The following AVEN variants were observed in gnomAD, a reference collection of about 807,000 sequenced individuals.
The protein encoded by AVEN is cell death regulator Aven.
In AVEN, 41 loss-of-function variants were observed where a neutral mutation model predicts 38.1. That is an observed-to-expected ratio of 1.08 (90% CI 0.84 to 1.40). The LOEUF is 1.40. AVEN is among the 40% of genes most tolerant of loss of function. AVEN has a pLI of 0.00. For missense variants in AVEN, 605 were observed against 438.8 expected, an observed-to-expected ratio of 1.38 and a Z score of -3.38; for synonymous variants, 206 against 171.8, an observed-to-expected ratio of 1.20 and a Z score of -1.56.
intron 2 of AVEN, among the ~76,000 whole-genome samples, chr15:33,887,683 A>G (rs1567396953): frequency 6.6e-6 from 1 of 152,188 alleles, no homozygotes; most frequent in East Asian, 1.9e-4. Context: ...AACAGAAAAA[A>G]AGAAACTTAA....
intron 2 of AVEN, among the ~76,000 whole-genome samples, chr15:33,959,495 T>C (rs1394457581): frequency 6.6e-6 from 1 of 152,102 alleles, no homozygotes; most frequent in African/African-American, 2.4e-5. Flanking sequence ...ACTTCAGTCA[T>C]AGCCATAGCC....
chr15:34,043,944 T>C (rs1368203172), upstream of AVEN, among the ~76,000 whole-genome samples: 1 of 152,152 alleles, frequency 6.6e-6, no homozygotes, highest in Non-Finnish European at 1.5e-5. Context: ...CCAAGGCCTC[T>C]ATTACTGCAC....
At chr15:34,073,516 T>TC in intron 1 of AVEN, among the ~76,000 whole-genome samples, 1 of 106,574 alleles carries the variant, frequency 9.4e-6, no homozygotes, top group South Asian at 3.3e-4. Flanking sequence ...TCTTTTCTTT[T>TC]TTCTTTTTTT....
intron 2 of AVEN, among the ~76,000 whole-genome samples, chr15:33,883,961 C>T (rs578192277): frequency 6.6e-6 from 1 of 152,280 alleles, no homozygotes; most frequent in African/African-American, 2.4e-5. Flanking sequence ...CTAACCAAGA[C>T]CACACAGCCA....
intron 2 of AVEN, among the ~76,000 whole-genome samples, chr15:33,924,336 C>T (rs1333851968): frequency 5.3e-5 from 8 of 150,284 alleles, no homozygotes; most frequent in Admixed American, 4.7e-4. Context: ...TGCCACTGCA[C>T]TCCAGCCTAG....
chr15:33,984,472 G>A (rs1046924352), intron 2 of AVEN, among the ~76,000 whole-genome samples: 9 of 151,544 alleles, frequency 5.9e-5, no homozygotes, highest in South Asian at 4.2e-4. Flanking sequence ...GCATGATCTC[G>A]GCTCACTGCA....
intron 2 of AVEN, among the ~76,000 whole-genome samples, chr15:33,987,979 G>A (rs1328688019): frequency 6.6e-6 from 1 of 152,154 alleles, no homozygotes; most frequent in Non-Finnish European, 1.5e-5. Flanking sequence ...GCATCAAGAA[G>A]GAAAACCACC....
intron 2 of AVEN, among the ~76,000 whole-genome samples, chr15:33,904,694 A>AAAATATATATAT (rs1464894437): frequency 1.8e-5 from 2 of 112,746 alleles, no homozygotes; most frequent in African/African-American, 5.8e-5. Flanking sequence ...AAAAAAAAAA[A>AAAATATATATAT]ATATATATAT....
Position 33,964,246 on chromosome 15 carries a change from T to C in AVEN, c.445+38786A>G, listed in dbSNP as rs117964821. ...ATCTGTTCCACTTACTAGGGTATGGTTGTAAAATCAGAGCTTTCTAAAGTG... is the reference window on the plus strand; with the variant it reads ...ATCTGTTCCACTTACTAGGGTATGGCTGTAAAATCAGAGCTTTCTAAAGTG... On this transcript the variant is annotated intron_variant, in intron 2 of 5. Transcript: ENST00000306730. 8.1e-3 allele frequency among the ~76,000 whole-genome samples: 1,240 copies of C among 152,270 alleles called. 8 individuals carry two copies. The highest frequency in any genetic ancestry group is 0.014 in the Non-Finnish European group (950 of 68,016).
chr15:33,927,841 G>C (rs1893683498), intron 2 of AVEN, among the ~76,000 whole-genome samples: 1 of 152,136 alleles, frequency 6.6e-6, no homozygotes, highest in Non-Finnish European at 1.5e-5. Flanking sequence ...TCTAGATAAG[G>C]GGAAATTTGA....
At chr15:34,016,538 A>G (rs1426033588) in intron 1 of AVEN, among the ~76,000 whole-genome samples, 1 of 152,124 alleles carries the variant, frequency 6.6e-6, no homozygotes, top group African/African-American at 2.4e-5. Flanking sequence ...TATCTCAGCA[A>G]TATTTATCTC....
intron 4 of AVEN, among the ~76,000 whole-genome samples, chr15:33,870,105 C>T (rs1567386388): frequency 6.6e-6 from 1 of 152,134 alleles, no homozygotes; most frequent in East Asian, 1.9e-4. Context: ...TTCTTGACCA[C>T]TCTCTCCCAA....
chr15:34,069,955 T>C (rs1900594761), intron 2 of AVEN, among the ~76,000 whole-genome samples: 1 of 152,168 alleles, frequency 6.6e-6, no homozygotes, highest in Non-Finnish European at 1.5e-5. Context: ...TCCATCCCAT[T>C]CCCACCTGTA....
At chr15:33,973,676 T>C (rs983349602) in intron 2 of AVEN, among the ~76,000 whole-genome samples, 6 of 152,276 alleles carry the variant, frequency 3.9e-5, no homozygotes, top group Admixed American at 2.6e-4. Context: ...ACTCCATCTC[T>C]ATAAAAAAAT....
chr15:33,853,366 A>G, the AVEN span, among the ~76,000 whole-genome samples: 10 of 150,484 alleles, frequency 6.6e-5, no homozygotes, highest in Admixed American at 1.3e-4. Flanking sequence ...AGCTTAAAAA[A>G]CAGTTATCAT....
chr15:33,984,844 T>C (rs1896354212), intron 2 of AVEN, among the ~76,000 whole-genome samples: 1 of 152,068 alleles, frequency 6.6e-6, no homozygotes, highest in South Asian at 2.1e-4. Flanking sequence ...TAACCACAAA[T>C]AACAGTTCAT....
rs780277450 is a variant in AVEN, at chr15:34,031,180, T to TTTC, written c.267+7599_267+7600insGAA. ...TTTGCTTAGGTTAATTTTTTTTTTTTTTTTTTTTTTTGAGACTGAGTTTTG... is the reference window on the plus strand; with the variant it reads ...TTTGCTTAGGTTAATTTTTTTTTTTTTTCTTTTTTTTTTTGAGACTGAGTTTTG... On this transcript the variant is annotated intron_variant, in intron 1 of 5. Transcript: ENST00000306730. 3.0e-3 allele frequency among the ~76,000 whole-genome samples: 420 copies of TTTC among 140,200 alleles called. 2 individuals carry two copies. The highest frequency in any genetic ancestry group is 4.7e-3 in the Non-Finnish European group (307 of 64,866). 92.0% of individuals were successfully genotyped at this position (140,200 alleles called of 152,430 possible).
At chr15:33,865,519 T>G (rs888600623), downstream of AVEN, 1 of 337,502 alleles carries the variant, frequency 3.0e-6, no homozygotes, top group Admixed American at 4.5e-5. Flanking sequence ...GTTCAGTTTG[T>G]TGGGATGGAA....
chr15:33,876,048 G>C, intron 2 of AVEN, 53 bp from the exon 3 acceptor site: 1 of 1,531,428 alleles, frequency 6.5e-7, no homozygotes, highest in Non-Finnish European at 8.9e-7. Context: ...GAAACTCTCA[G>C]TTCTCTAAAT....
Sources: allele counts gnomAD v4.1 joint callset (sites outside exome capture counted in the v4.1 genomes callset), GRCh38; gene constraint gnomAD v4.1.1; transcripts MANE v1.5; gene names NCBI Gene and HGNC (gene_info 2026-07-23, HGNC 2026-07-21).